The following MYO1D variants were observed in gnomAD, a reference collection of about 807,000 sequenced individuals.
The protein encoded by MYO1D is myosin ID, also known as unconventional myosin-Id.
MYO1D carries 83 observed loss-of-function variants against 122.0 expected under a neutral mutation model. That is an observed-to-expected ratio of 0.68 (90% CI 0.57 to 0.82). The LOEUF (loss-of-function observed/expected upper bound fraction) is 0.82, where lower values mean the gene tolerates loss of function less well. MYO1D is among the 40% of genes least tolerant of loss of function. The probability of loss-of-function intolerance (pLI) is 0.00; values close to 1 mark genes in which losing one functional copy is unlikely to be tolerated. For missense variants in MYO1D, 1,157 were observed against 1,269.5 expected (o/e 0.91, Z 1.35); for synonymous variants, 464 against 446.9 (o/e 1.04, Z -0.48).
At chr17:32,549,685 T>C (rs1423526444) in intron 21 of MYO1D, among the ~76,000 whole-genome samples, 1 of 152,230 alleles carries the variant, frequency 6.6e-6, no homozygotes, top group East Asian at 1.9e-4. Context: ...AACTACTTGG[T>C]GGCAAGGTGT....
intron 20 of MYO1D, among the ~76,000 whole-genome samples, chr17:32,619,496 G>C (rs2087826526): frequency 6.6e-6 from 1 of 151,926 alleles, no homozygotes; most frequent in South Asian, 2.1e-4. Context: ...GGTTCTTTTG[G>C]GCCAATGGCT....
chr17:32,557,122 A>T lies in MYO1D; in HGVS notation c.2864+47965T>A, dbSNP rs1206064712. 8.9e-5 allele frequency among the ~76,000 whole-genome samples: 13 copies of T among 145,724 alleles called. No individual in the cohort carries two copies. The East Asian group carries it at 1.2e-3, about 14-fold the overall frequency. On this transcript the variant is annotated intron_variant, in intron 21 of 21. Coordinates refer to ENST00000318217, the MANE Select transcript of MYO1D (RefSeq NM_015194.3). ...TTCACTCGGCAGGCTTAGTTTATCC[A>T]TTTTTTTTTTTTTGAGATGGTGTTT...
intron 16 of MYO1D, among the ~76,000 whole-genome samples, chr17:32,705,077 T>C (rs1364852355): frequency 6.6e-6 from 1 of 152,116 alleles, no homozygotes; most frequent in African/African-American, 2.4e-5. Flanking sequence ...CAATATCAAA[T>C]ACACGACTGA....
At chr17:32,768,101 G>A (rs1402303930) in intron 6 of MYO1D, among the ~76,000 whole-genome samples, 1 of 152,214 alleles carries the variant, frequency 6.6e-6, no homozygotes, top group African/African-American at 2.4e-5. Flanking sequence ...TGCTGAATGT[G>A]GGAGCCTCCA....
At chr17:32,670,087 G>A (rs1186256974) in intron 16 of MYO1D, among the ~76,000 whole-genome samples, 1 of 151,740 alleles carries the variant, frequency 6.6e-6, no homozygotes, top group African/African-American at 2.4e-5. Flanking sequence ...GTAGAGACGG[G>A]GTTTTGCCAT....
chr17:32,753,434 G>A (rs1266209702), intron 11 of MYO1D, among the ~76,000 whole-genome samples: 1 of 152,046 alleles, frequency 6.6e-6, no homozygotes, highest in Non-Finnish European at 1.5e-5. Context: ...CACTACCTCA[G>A]CACTTGTCTT....
In MYO1D at chr17:32,784,339, T is replaced by A. The variant is rs1598096467; in HGVS notation, c.96-3555A>T. ...TCCTGGTTCCTTCTTCCCCATGTGC[T>A]TGCCAGATTCCCTCTCCTTCTCCAA... On this transcript the variant is annotated intron_variant, in intron 1 of 21. Transcript: ENST00000318217. Among the ~76,000 whole-genome samples, 3 of 152,280 alleles carry A rather than the reference T, an allele frequency of 2.0e-5. No individual in the cohort carries two copies. The South Asian group carries it at 6.2e-4, about 32-fold the overall frequency.
intron 13 of MYO1D, among the ~76,000 whole-genome samples, chr17:32,740,401 G>T (rs183826558): frequency 6.6e-6 from 1 of 152,274 alleles, no homozygotes; most frequent in Admixed American, 6.5e-5. Flanking sequence ...TTAAATAGCA[G>T]AATTGATACA....
At chr17:32,513,052 T>TAACTAATA (rs1167488058) in intron 21 of MYO1D, 9 of 152,274 alleles carry the variant, frequency 5.9e-5, no homozygotes, top group Non-Finnish European at 5.9e-5. Flanking sequence ...GTTGGTTAAC[T>TAACTAATA]GTCCGTCTCC....
chr17:32,521,195 C>G (rs59002537), intron 21 of MYO1D, among the ~76,000 whole-genome samples: 1 of 152,162 alleles, frequency 6.6e-6, no homozygotes, highest in Non-Finnish European at 1.5e-5. Flanking sequence ...AGACCCCTCC[C>G]TCAGGGCCAG....
chr17:32,795,057 C>T (rs1203845321), intron 1 of MYO1D, among the ~76,000 whole-genome samples: 1 of 152,080 alleles, frequency 6.6e-6, no homozygotes, highest in African/African-American at 2.4e-5. Context: ...AAGGAAGTGT[C>T]AGGGTAAGTA....
chr17:32,774,226 T>C (rs2090152316), intron 4 of MYO1D, among the ~76,000 whole-genome samples: 1 of 152,174 alleles, frequency 6.6e-6, no homozygotes, highest in South Asian at 2.1e-4. Flanking sequence ...TTATCCGACC[T>C]CTCCCAAATC....
intron 15 of MYO1D, among the ~76,000 whole-genome samples, chr17:32,718,104 TA>T (rs936125104): frequency 1.3e-5 from 2 of 152,194 alleles, no homozygotes; most frequent in African/African-American, 4.8e-5. Flanking sequence ...ATTTACTTTT[TA>T]AAAAAGTTTA....
rs1598081099 is a variant in MYO1D, at chr17:32,767,026, C to T, written c.831+610G>A. ...TATTAAGTGAAAAGTAATTTTTATT[C>T]CAGATTTGAATCCATGTTGTCATTC... is the stretch of plus-strand genomic sequence containing the variant. On this transcript the variant is annotated intron_variant, in intron 7 of 21. Transcript: ENST00000318217. 3.9e-5 allele frequency among the ~76,000 whole-genome samples: 6 copies of T among 152,202 alleles called. No homozygotes were observed. In the South Asian group the frequency reaches 1.2e-3, roughly 32 times the overall value.
At chr17:32,553,031 G>A (rs1475220638) in intron 21 of MYO1D, among the ~76,000 whole-genome samples, 1 of 140,302 alleles carries the variant, frequency 7.1e-6, no homozygotes, top group Non-Finnish European at 1.5e-5. Context: ...GAGTCCAGGA[G>A]TTCAGGGCCA....
intron 14 of MYO1D, among the ~76,000 whole-genome samples, chr17:32,735,103 C>CAA (rs1433215108): frequency 6.6e-6 from 1 of 151,432 alleles, no homozygotes; most frequent in Non-Finnish European, 1.5e-5. Flanking sequence ...CACACACACA[C>CAA]ACACACACAC....
intron 1 of MYO1D, among the ~76,000 whole-genome samples, chr17:32,832,385 C>G (rs1158522450): frequency 6.6e-6 from 1 of 151,730 alleles, no homozygotes; most frequent in Non-Finnish European, 1.5e-5. Flanking sequence ...ACTGCAAGCT[C>G]CACCTCCTGG....
chr17:32,605,633 C>T (rs1386071674), intron 20 of MYO1D, among the ~76,000 whole-genome samples: 1 of 151,804 alleles, frequency 6.6e-6, no homozygotes, highest in Non-Finnish European at 1.5e-5. Context: ...ATTGATAAAC[C>T]TCTAGCCCAA....
intron 21 of MYO1D, among the ~76,000 whole-genome samples, chr17:32,526,281 G>A (rs576893736): frequency 6.6e-6 from 1 of 152,236 alleles, no homozygotes; most frequent in Non-Finnish European, 1.5e-5. Flanking sequence ...GCTCTATATT[G>A]TTTCGAACTC....
Sources: gnomAD v4.1 joint callset for allele counts (sites outside exome capture counted in the v4.1 genomes callset) on GRCh38, gnomAD v4.1.1 for gene constraint, MANE v1.5 for transcripts, NCBI Gene and HGNC (gene_info 2026-07-23, HGNC 2026-07-21) for gene names.